NF1: variants seen among roughly 807,000 people sequenced by gnomAD.
NF1 encodes the protein neurofibromin 1.
Under a neutral mutation model 325.7 loss-of-function variants are expected in NF1, and 122 were observed. That is an observed-to-expected ratio of 0.37 (90% CI 0.32 to 0.44). The LOEUF is 0.44. Among genes scored for constraint, NF1 ranks in the 20% least tolerant of loss-of-function variants. The pLI is 1.00. For missense variants in NF1, 2,140 were observed against 3,415.4 expected (o/e 0.63, Z 9.31); for synonymous variants, 1,091 against 1,186.0 (o/e 0.92, Z 1.65).
intron 29 of NF1, among the ~76,000 whole-genome samples, chr17:31,236,694 G>A (rs751265782): frequency 4.0e-5 from 6 of 150,186 alleles, no homozygotes; most frequent in Non-Finnish European, 5.9e-5. Context: ...CAGGTGATCC[G>A]CCTGCCCTGG....
In NF1 at chr17:31,249,009, G is replaced by A. The variant is rs878853892; in HGVS notation, c.4000G>A (p.Glu1334Lys). The A allele has an allele frequency of 1.9e-6, 3 of 1,614,040 alleles. No individual in the cohort carries two copies. Among genetic ancestry groups the A allele is most frequent in the Non-Finnish European group, 2.5e-6 (3 of 1,179,980 alleles). Residue 1334 changes from glutamate to lysine, a missense_variant, in exon 30 of 58, where the codon GAA becomes AAA. Transcript: ENST00000358273. ...GTTAGAACCATCAGAGAGCCTTGAG[G>A]AAAACCAGCGGAACCTCCTTCAGAT... ...TRLEPSESLE[E>K]NQRNLLQMTE...
intron 4 of NF1, among the ~76,000 whole-genome samples, chr17:31,166,322 C>T (rs1204012286): frequency 2.0e-5 from 3 of 151,960 alleles, no homozygotes; most frequent in Admixed American, 6.6e-5. Flanking sequence ...ACGTATTTTA[C>T]GTTCTCTTTA....
At chr17:31,236,764 A>G (rs756554411) in intron 29 of NF1, among the ~76,000 whole-genome samples, 1 of 151,984 alleles carries the variant, frequency 6.6e-6, no homozygotes, top group Non-Finnish European at 1.5e-5. Context: ...AGTGCAGTTT[A>G]AACCACCATT....
At chr17:31,212,560 A>G (rs2143948103) in intron 12 of NF1, among the ~76,000 whole-genome samples, 1 of 152,230 alleles carries the variant, frequency 6.6e-6, no homozygotes, top group Middle Eastern at 3.4e-3. Context: ...ATAGAAAAAA[A>G]TTAGCTGGGC....
At chr17:31,135,613 C>T (rs974794783) in intron 1 of NF1, among the ~76,000 whole-genome samples, 12 of 152,158 alleles carry the variant, frequency 7.9e-5, no homozygotes, top group African/African-American at 2.9e-4. Context: ...GTTGCCCTAA[C>T]TTGAGTCCAG....
rs112318824 is a variant in NF1 at position 31,345,222 on chromosome 17, A to G, written c.7189+2087A>G. Among the ~76,000 whole-genome samples the G allele has an allele frequency of 2.4e-3, 369 of 152,342 alleles. 1 individual carries two copies. The highest frequency in any genetic ancestry group is 4.4e-3 in the Non-Finnish European group (302 of 68,030). On this transcript the variant is annotated intron_variant, in intron 48 of 57. Transcript: ENST00000358273. Reference sequence around the variant, plus strand: ...AATGATTAAAAGCTGGCCAAAGATCAAATTTATCCTCTAATCAACCCTATT... The same window carrying G: ...AATGATTAAAAGCTGGCCAAAGATCGAATTTATCCTCTAATCAACCCTATT...
At chr17:31,362,388 T>C (rs2070420262) in intron 57 of NF1, 1 of 975,066 alleles carries the variant, frequency 1.0e-6, no homozygotes, top group South Asian at 4.7e-5. Context: ...AGGCTCACAA[T>C]ATTGTGTACA....
intron 8 of NF1, among the ~76,000 whole-genome samples, chr17:31,184,830 T>C (rs1257918216): frequency 2.0e-5 from 3 of 152,116 alleles, no homozygotes; most frequent in Admixed American, 1.3e-4. Context: ...CAAACTCTTA[T>C]CATGCAAGTG....
At chr17:31,168,323 A>G (rs2953015) in intron 4 of NF1, among the ~76,000 whole-genome samples, 82,588 of 151,992 alleles carry the variant, frequency 0.54, 26,025 homozygotes, top group Middle Eastern at 0.76. Context: ...ATCTCTAATA[A>G]ATAGATTTTT....
chr17:31,357,339 G>T lies in NF1; in HGVS notation c.7940G>T (p.Ser2647Ile). ...RILYEYLAEA[S>I]VVFPKVFPVV... ...CTTTATGAATACTTAGCAGAGGCCA[G>T]TGTTGTGTTTCCCAAAGTCTTTCCT... The change falls in exon 54 of 58, where the codon AGT becomes ATT. Residue 2647 changes from serine to isoleucine, a missense_variant. Coordinates refer to ENST00000358273, the MANE Select transcript of NF1 (RefSeq NM_001042492.3). 1 of 1,613,934 alleles carries T rather than the reference G, an allele frequency of 6.2e-7. No individual in the cohort carries two copies. Among genetic ancestry groups the T allele is most frequent in the South Asian group, 1.1e-5 (1 of 91,076 alleles).
intron 8 of NF1, among the ~76,000 whole-genome samples, chr17:31,192,305 C>T (rs538645507): frequency 1.3e-5 from 2 of 152,254 alleles, no homozygotes; most frequent in South Asian, 4.1e-4. Flanking sequence ...TGGGGTACAG[C>T]TTGGTTTGAT....
intron 4 of NF1, among the ~76,000 whole-genome samples, chr17:31,168,986 G>A (rs563284568): frequency 1.3e-5 from 2 of 152,276 alleles, no homozygotes; most frequent in East Asian, 1.9e-4. Flanking sequence ...GCAGGATACA[G>A]ACTTGACTTC....
At chr17:31,334,701 C>T in intron 39 of NF1, 137 bp from the exon 40 acceptor site, 1 of 687,718 alleles carries the variant, frequency 1.5e-6, no homozygotes, top group Non-Finnish European at 2.5e-6. Context: ...ATATATTTGC[C>T]AAGTGTCTTT....
intron 20 of NF1, among the ~76,000 whole-genome samples, chr17:31,228,617 C>T (rs1295926206): frequency 2.0e-5 from 3 of 152,088 alleles, no homozygotes; most frequent in African/African-American, 7.2e-5. Context: ...ACCCCCCACC[C>T]ACTTTCTTGC....
In NF1 at chr17:31,375,216, A is replaced by G; in HGVS notation, c.*1061A>G. On this transcript the variant is annotated 3_prime_UTR_variant, in exon 58 of 58. Transcript: ENST00000358273. ...TTTGTTAAATAATTTCCAAGAATAG[A>G]GTATGGTGTATATTATAAATTTCTT... 4.4e-6 allele frequency: 1 copy of G among 224,898 alleles called. No homozygotes were observed. 13.9% of individuals were successfully genotyped at this position (224,898 alleles called of 1,614,324 possible). A position where few individuals can be genotyped will look rare whatever the true frequency, so the allele number is the denominator to read the frequency against.
intron 48 of NF1, chr17:31,346,053 A>G: frequency 1.9e-6 from 3 of 1,612,728 alleles, no homozygotes; most frequent in East Asian, 4.5e-5. Flanking sequence ...AGACGTGGCA[A>G]AGCCAGTCAT....
chr17:31,364,355 C>T lies in NF1; in HGVS notation c.8377+3652C>T, dbSNP rs911506577. Among the ~76,000 whole-genome samples, 4 of 152,206 alleles carry T rather than the reference C, an allele frequency of 2.6e-5. No individual in the cohort carries two copies. In the South Asian group the frequency reaches 6.2e-4, roughly 24 times the overall value. Reference sequence around the variant, plus strand: ...AAAAAGCAAATGTTGCTGATCTGCACGCATTCAATCCTTTGCTATAAATGT... The same window carrying T: ...AAAAAGCAAATGTTGCTGATCTGCATGCATTCAATCCTTTGCTATAAATGT... On this transcript the variant is annotated intron_variant, in intron 57 of 57. Coordinates refer to ENST00000358273, the MANE Select transcript of NF1 (RefSeq NM_001042492.3).
At chr17:31,119,846 A>G (rs1025529508) in intron 1 of NF1, among the ~76,000 whole-genome samples, 4 of 152,134 alleles carry the variant, frequency 2.6e-5, no homozygotes, top group African/African-American at 9.7e-5. Flanking sequence ...AGTTTTGCCA[A>G]CATCATTTAT....
chr17:31,222,054 G>T, intron 15 of NF1, 125 bp downstream of exon 15: 1 of 1,276,024 alleles, frequency 7.8e-7, no homozygotes. Context: ...TTATGGTTTT[G>T]TATTTTATTT....
Sources: allele counts gnomAD v4.1 joint callset (sites outside exome capture counted in the v4.1 genomes callset), GRCh38; gene constraint gnomAD v4.1.1; transcripts MANE v1.5; gene names NCBI Gene and HGNC (gene_info 2026-07-23, HGNC 2026-07-21).